The following CCDC69 variants were observed in gnomAD, a reference collection of about 807,000 sequenced individuals.
CCDC69 encodes the protein coiled-coil domain-containing protein 69.
Under a neutral mutation model 40.3 loss-of-function variants are expected in CCDC69, and 38 were observed. That is an observed-to-expected ratio of 0.94 (90% CI 0.73 to 1.24). The LOEUF (loss-of-function observed/expected upper bound fraction) is 1.24, where lower values mean the gene tolerates loss of function less well. Ranked by LOEUF, CCDC69 falls within the 50% of genes most tolerant of loss-of-function variation. The probability of loss-of-function intolerance (pLI) is 0.00; values close to 1 mark genes in which losing one functional copy is unlikely to be tolerated. For synonymous variants in CCDC69, 141 were observed against 138.9 expected, an observed-to-expected ratio of 1.02 and a Z score of -0.11; for missense variants, 389 against 357.9, an observed-to-expected ratio of 1.09 and a Z score of -0.70.
In CCDC69 at chr5:151,223,961, T is replaced by C. The variant is rs138139529; in HGVS notation, c.10A>G (p.Arg4Gly). ...TTGCAGCTGCTCAGCCTGCTGTGTC[T>C]GCAGCCCATCCTCCTCCGGGGGCTC... MGC[R>G]HSRLSSCKPP... The change falls in exon 1 of 9, where the codon AGA becomes GGA. Residue 4 changes from arginine (R) to glycine (G), a missense_variant. Physicochemically the swap from Arg to Gly is moderately radical, Grantham distance 125. Coordinates refer to ENST00000355417, the MANE Select transcript of CCDC69 (RefSeq NM_015621.3). 58 of 1,568,654 alleles carry C rather than the reference T, an allele frequency of 3.7e-5. No homozygotes were observed. Among genetic ancestry groups the C allele is most frequent in the Non-Finnish European group, 4.5e-5 (52 of 1,162,284 alleles).
chr5:151,222,783 T>A (rs1753153119), intron 1 of CCDC69, among the ~76,000 whole-genome samples: 1 of 152,118 alleles, frequency 6.6e-6, no homozygotes, highest in African/African-American at 2.4e-5. Flanking sequence ...GGTTTCTAGG[T>A]CAGGAGTTGG....
At position 151,199,031 on chromosome 5, in the gene CCDC69, C is replaced by T. The variant is rs61066192; in HGVS notation, c.285G>A (p.Arg95=). The change falls in exon 4 of 9, where the codon AGG becomes AGA. Residue 95 remains arginine, a synonymous_variant. Transcript: ENST00000355417. ...ELRDRLDEQQ[R]VLEGKNEEAL... ...CCTCTTCATTCTTTCCTTCCAGGACCCTTTGCTGCTCATCCAGTCTGTCTC... is the reference window on the plus strand; with the variant it reads ...CCTCTTCATTCTTTCCTTCCAGGACTCTTTGCTGCTCATCCAGTCTGTCTC... The T allele has an allele frequency of 3.7e-3, 5,960 of 1,614,118 alleles. 190 individuals carry two copies. The African/African-American group carries it at 0.069, about 19-fold the overall frequency.
rs781450440 is a variant in CCDC69, at chr5:151,201,582, C to G, written c.231G>C (p.Gln77His). ...HEEEKKKWAQ[Q>H]VEKERELELR... is the part of the protein sequence containing the mutation. ...AGGGGGTGGGGGCACCTGGACTTACCTGTTGTGCCCATTTCTTCTTTTCCT... is the reference window on the plus strand; with the variant it reads ...AGGGGGTGGGGGCACCTGGACTTACGTGTTGTGCCCATTTCTTCTTTTCCT... The change falls in exon 3 of 9, where the codon CAG becomes CAC. Residue 77 changes from glutamine to histidine, a missense_variant and splice_region_variant. Gln to His is a conservative substitution (Grantham distance 24). Transcript: ENST00000355417. The G allele has an allele frequency of 1.2e-5, 20 of 1,606,530 alleles. No homozygotes were observed. Among genetic ancestry groups the G allele is most frequent in the Non-Finnish European group, 1.7e-5 (20 of 1,173,682 alleles).
chr5:151,205,581 T>C, intron 1 of CCDC69, 106 bp from the exon 2 acceptor site: 2 of 908,962 alleles, frequency 2.2e-6, no homozygotes, highest in Non-Finnish European at 3.5e-6. Context: ...GGACCTTCAG[T>C]TACACCAGAC....
At chr5:151,184,197 A>C (rs1319054823) in intron 8 of CCDC69, 147 bp downstream of exon 8, 1 of 631,564 alleles carries the variant, frequency 1.6e-6, no homozygotes, top group African/African-American at 1.8e-5. Context: ...GGGTTTCTTG[A>C]CTCCCAGGGA....
intron 2 of CCDC69, among the ~76,000 whole-genome samples, chr5:151,202,472 C>T (rs1244756923): frequency 6.6e-6 from 1 of 152,212 alleles, no homozygotes; most frequent in African/African-American, 2.4e-5. Context: ...GAAGAACTGG[C>T]AATGTATGCC....
At chr5:151,198,549 T>C (rs1005428347) in intron 4 of CCDC69, among the ~76,000 whole-genome samples, 1 of 152,204 alleles carries the variant, frequency 6.6e-6, no homozygotes, top group Non-Finnish European at 1.5e-5. Flanking sequence ...CTGTAAGATC[T>C]TTTTGTCTAA....
chr5:151,206,336 C>T (rs1752852851), intron 1 of CCDC69, among the ~76,000 whole-genome samples: 1 of 152,112 alleles, frequency 6.6e-6, no homozygotes, highest in African/African-American at 2.4e-5. Context: ...TCTCCAAACC[C>T]AATCCTCTCG....
At chr5:151,208,043 G>C (rs989431952) in intron 1 of CCDC69, among the ~76,000 whole-genome samples, 2 of 152,162 alleles carry the variant, frequency 1.3e-5, no homozygotes, top group African/African-American at 2.4e-5. Flanking sequence ...TTGCAGTCAG[G>C]AGTTCGAGAT....
chr5:151,214,421 C>T (rs187273368), intron 1 of CCDC69, among the ~76,000 whole-genome samples: 3 of 152,198 alleles, frequency 2.0e-5, no homozygotes, highest in Admixed American at 6.5e-5. Context: ...TGTTCACACC[C>T]GAATTACAGA....
chr5:151,183,925 G>T (rs909510276), intron 8 of CCDC69, among the ~76,000 whole-genome samples: 1 of 152,144 alleles, frequency 6.6e-6, no homozygotes, highest in South Asian at 2.1e-4. Flanking sequence ...AGAAGAATAG[G>T]ACCCAGCTCT....
chr5:151,214,295 T>C (rs1053362369), intron 1 of CCDC69, among the ~76,000 whole-genome samples: 4 of 152,168 alleles, frequency 2.6e-5, no homozygotes, highest in African/African-American at 7.2e-5. Flanking sequence ...TCAGAGCCTA[T>C]TGGCCGAGGG....
intron 1 of CCDC69, among the ~76,000 whole-genome samples, chr5:151,209,010 A>G (rs1752890923): frequency 6.6e-6 from 1 of 152,230 alleles, no homozygotes; most frequent in Admixed American, 6.5e-5. Flanking sequence ...AGACACTGTC[A>G]CACTGTGCCA....
At chr5:151,209,408 C>T (rs1161961111) in intron 1 of CCDC69, among the ~76,000 whole-genome samples, 2 of 152,192 alleles carry the variant, frequency 1.3e-5, no homozygotes, top group Non-Finnish European at 2.9e-5. Context: ...TAACCACCAC[C>T]AGAGAATGGT....
At chr5:151,198,315 T>G (rs1402329441) in intron 4 of CCDC69, among the ~76,000 whole-genome samples, 1 of 147,190 alleles carries the variant, frequency 6.8e-6, no homozygotes, top group Non-Finnish European at 1.5e-5. Context: ...TCTATCTATC[T>G]ATCTATCTAT....
intron 4 of CCDC69, among the ~76,000 whole-genome samples, chr5:151,191,049 T>C (rs1018668988): frequency 3.3e-5 from 5 of 151,942 alleles, no homozygotes; most frequent in African/African-American, 1.2e-4. Flanking sequence ...ACTATACCCG[T>C]GTAACAAACC....
At chr5:151,212,657 G>C in intron 1 of CCDC69, 1 of 399,436 alleles carries the variant, frequency 2.5e-6, no homozygotes, top group South Asian at 1.8e-5. Flanking sequence ...CAGGATGTAG[G>C]AGGTGGCTCA....
chr5:151,184,220 A>G (rs1582037362), intron 8 of CCDC69, 124 bp downstream of exon 8: 7 of 699,994 alleles, frequency 1.0e-5, no homozygotes, highest in East Asian at 5.1e-5. Flanking sequence ...GAGGAGCCAC[A>G]TTCCCTAAAT....
chr5:151,213,720 T>C (rs902208441), intron 1 of CCDC69, among the ~76,000 whole-genome samples: 1 of 152,194 alleles, frequency 6.6e-6, no homozygotes, highest in Non-Finnish European at 1.5e-5. Context: ...CTAGCCCTCT[T>C]TGGGAGCCAT....
Sources: allele counts gnomAD v4.1 joint callset (sites outside exome capture counted in the v4.1 genomes callset), GRCh38; gene constraint gnomAD v4.1.1; transcripts MANE v1.5; gene names NCBI Gene and HGNC (gene_info 2026-07-23, HGNC 2026-07-21).